TMEM232: variants seen among roughly 807,000 people sequenced by gnomAD.
TMEM232 encodes the protein transmembrane protein 232.
Under a neutral mutation model 78.8 loss-of-function variants are expected in TMEM232, and 80 were observed. The observed-to-expected ratio is 1.01, with a 90% CI of 0.85 to 1.22. TMEM232 has a LOEUF of 1.22. Ranked by LOEUF, TMEM232 falls within the 50% of genes most tolerant of loss-of-function variation. The probability of loss-of-function intolerance (pLI) is 0.00; values close to 1 mark genes in which losing one functional copy is unlikely to be tolerated. For missense variants in TMEM232, 881 were observed against 742.2 expected (o/e 1.19, Z -2.17); for synonymous variants, 297 against 254.3 (o/e 1.17, Z -1.60).
chr5:110,616,685 A>C (rs554537868), intron 8 of TMEM232, among the ~76,000 whole-genome samples: 1 of 152,296 alleles, frequency 6.6e-6, no homozygotes, highest in Admixed American at 6.5e-5. Flanking sequence ...ACTAATGGCC[A>C]ACAGACATAT....
chr5:110,471,022 T>C (rs972405974), intron 12 of TMEM232, among the ~76,000 whole-genome samples: 7 of 152,064 alleles, frequency 4.6e-5, no homozygotes, highest in Non-Finnish European at 7.4e-5. Flanking sequence ...ATCTAAATGA[T>C]AACCTTACCA....
Position 110,427,053 on chromosome 5 carries a change from T to C in TMEM232, c.1704-2137A>G, listed in dbSNP as rs189475994. ...TGATTTCTTAGTTACCTCAGTTGAA[T>C]TTTGTGCTAGAAAATAAAAAATTAT... On this transcript the variant is annotated intron_variant, in intron 12 of 13. Transcript: ENST00000455884. Among the ~76,000 whole-genome samples the C allele has an allele frequency of 2.4e-3, 358 of 151,894 alleles. 5 individuals are homozygous for C. Among genetic ancestry groups the C allele is most frequent in the Middle Eastern group, 3.4e-3 (1 of 294 alleles).
At chr5:110,399,941 T>C in intron 2 of TMEM232, among the ~76,000 whole-genome samples, 1 of 152,116 alleles carries the variant, frequency 6.6e-6, no homozygotes, top group East Asian at 1.9e-4. Context: ...CCAGCCTGCT[T>C]CTGTTAAGAG....
At chr5:110,573,627 TATGA>T in intron 10 of TMEM232, among the ~76,000 whole-genome samples, 1 of 152,198 alleles carries the variant, frequency 6.6e-6, no homozygotes, top group Admixed American at 6.6e-5. Context: ...ATCAGTTTAT[TATGA>T]ATGTTATGAG....
At chr5:110,557,087 T>A (rs1435837485) in intron 11 of TMEM232, among the ~76,000 whole-genome samples, 1 of 152,202 alleles carries the variant, frequency 6.6e-6, no homozygotes. Context: ...CTCTTTTATA[T>A]ATTTTTATCT....
intron 2 of TMEM232, among the ~76,000 whole-genome samples, chr5:110,661,590 G>A (rs1264772198): frequency 6.6e-6 from 1 of 152,148 alleles, no homozygotes; most frequent in Non-Finnish European, 1.5e-5. Flanking sequence ...GGGATAACAG[G>A]TGCCCAGCAC....
chr5:110,633,174 C>T (rs1785356853), intron 5 of TMEM232, among the ~76,000 whole-genome samples: 1 of 152,088 alleles, frequency 6.6e-6, no homozygotes, highest in Admixed American at 6.6e-5. Flanking sequence ...AGGTCTTTTA[C>T]AGACAAGCAA....
At chr5:110,576,207 C>T (rs755495974) in intron 10 of TMEM232, among the ~76,000 whole-genome samples, 4 of 152,058 alleles carry the variant, frequency 2.6e-5, no homozygotes, top group East Asian at 1.9e-4. Flanking sequence ...AAAATCGATG[C>T]GCAAAAATTG....
intron 12 of TMEM232, among the ~76,000 whole-genome samples, chr5:110,465,881 G>C (rs1762021944): frequency 6.6e-6 from 1 of 152,104 alleles, no homozygotes; most frequent in Admixed American, 6.5e-5. Flanking sequence ...TATCTACCAT[G>C]CATGAGCTTC....
intron 1 of TMEM232, among the ~76,000 whole-genome samples, chr5:110,676,588 A>G (rs1207222741): frequency 6.6e-6 from 1 of 151,658 alleles, no homozygotes; most frequent in Non-Finnish European, 1.5e-5. Context: ...GTATGTATGT[A>G]TGTATGTATT....
chr5:110,610,408 A>G, intron 8 of TMEM232: 1 of 210,054 alleles, frequency 4.8e-6, no homozygotes, highest in Non-Finnish European at 1.0e-5. Flanking sequence ...TTCCCACCAT[A>G]ATGTAAAAAA....
chr5:110,715,791 G>A (rs1796948347), intron 1 of TMEM232, among the ~76,000 whole-genome samples: 2 of 152,066 alleles, frequency 1.3e-5, no homozygotes, highest in African/African-American at 4.8e-5. Flanking sequence ...AGGGAAAGCT[G>A]GCCAGCATTT....
intron 2 of TMEM232, among the ~76,000 whole-genome samples, chr5:110,651,643 A>T (rs1039782851): frequency 6.6e-6 from 1 of 152,110 alleles, no homozygotes; most frequent in Middle Eastern, 3.2e-3. Context: ...CAATTTTGTT[A>T]ACATTCTTAA....
At chr5:110,510,702 C>T (rs945045322) in intron 12 of TMEM232, among the ~76,000 whole-genome samples, 2 of 152,170 alleles carry the variant, frequency 1.3e-5, no homozygotes, top group African/African-American at 4.8e-5. Context: ...AAAAACTCAT[C>T]ATCACTGGTC....
chr5:110,607,245 A>C (rs956685150), intron 8 of TMEM232, among the ~76,000 whole-genome samples: 4 of 151,948 alleles, frequency 2.6e-5, no homozygotes, highest in Non-Finnish European at 2.9e-5. Context: ...ACCTTTTTTC[A>C]TACTAGAAAA....
chr5:110,589,695 T>C (rs1038240000), intron 10 of TMEM232, among the ~76,000 whole-genome samples: 2 of 152,150 alleles, frequency 1.3e-5, no homozygotes, highest in African/African-American at 4.8e-5. Context: ...CTTGTTGTAA[T>C]GATTAATGAG....
intron 11 of TMEM232, among the ~76,000 whole-genome samples, chr5:110,538,505 C>T (rs1225233431): frequency 6.6e-6 from 1 of 152,116 alleles, no homozygotes; most frequent in Non-Finnish European, 1.5e-5. Flanking sequence ...ATGATAATGC[C>T]ATCAAAGGCT....
intron 10 of TMEM232, among the ~76,000 whole-genome samples, chr5:110,576,014 G>C (rs983333381): frequency 1.1e-4 from 16 of 151,994 alleles, no homozygotes; most frequent in Non-Finnish European, 1.6e-4. Context: ...GAATCCAGGG[G>C]GCCGCGCAGT....
chr5:110,587,618 A>G (rs1408048387), intron 10 of TMEM232, among the ~76,000 whole-genome samples: 1 of 143,926 alleles, frequency 6.9e-6, no homozygotes, highest in African/African-American at 2.6e-5. Context: ...AATAATTCTT[A>G]TGGGTCATCT....
Sources: allele counts gnomAD v4.1 joint callset (sites outside exome capture counted in the v4.1 genomes callset), GRCh38; gene constraint gnomAD v4.1.1; transcripts MANE v1.5; gene names NCBI Gene and HGNC (gene_info 2026-07-23, HGNC 2026-07-21).